RBM27: variants seen among roughly 807,000 people sequenced by gnomAD.
RBM27 encodes RNA-binding protein 27.
In RBM27, 22 loss-of-function variants were observed where a neutral mutation model predicts 135.3. The observed-to-expected ratio is 0.16, with a 90% CI of 0.12 to 0.23. The LOEUF is 0.23. Ranked by LOEUF, RBM27 falls within the 10% of genes least tolerant of loss-of-function variation. The pLI is 1.00. For missense variants in RBM27, 1,009 were observed against 1,281.0 expected, an observed-to-expected ratio of 0.79 and a Z score of 3.24; for synonymous variants, 481 against 442.4, an observed-to-expected ratio of 1.09 and a Z score of -1.10.
In RBM27 at chr5:146,268,140, G is replaced by A. The variant is rs183119893; in HGVS notation, c.2451+372G>A. 1.2e-4 allele frequency among the ~76,000 whole-genome samples: 18 copies of A among 152,066 alleles called. No homozygotes were observed. In the East Asian group the frequency reaches 3.1e-3, roughly 26 times the overall value. On this transcript the variant is annotated intron_variant, in intron 15 of 20. Transcript: ENST00000265271. ...CACATAGGGTTTTCCAAATTAAATA[G>A]ATATTTATATGTACTATCTCAGTAT...
chr5:146,242,269 T>C (rs1429156944), intron 8 of RBM27, among the ~76,000 whole-genome samples: 1 of 152,224 alleles, frequency 6.6e-6, no homozygotes, highest in Non-Finnish European at 1.5e-5. Flanking sequence ...GAAATAGCAC[T>C]ACATATCCCC....
At chr5:146,283,452 A>C (rs545599339) in intron 19 of RBM27, among the ~76,000 whole-genome samples, 23 of 152,180 alleles carry the variant, frequency 1.5e-4, no homozygotes, top group Non-Finnish European at 2.9e-4. Flanking sequence ...TGGGAGGATC[A>C]CTTGGACCCA....
intron 8 of RBM27, among the ~76,000 whole-genome samples, chr5:146,240,080 A>C (rs1421959562): frequency 6.6e-6 from 1 of 152,010 alleles, no homozygotes; most frequent in Non-Finnish European, 1.5e-5. Context: ...CCTGGCCTTT[A>C]ACTCTTTCAA....
intron 7 of RBM27, among the ~76,000 whole-genome samples, chr5:146,236,464 T>C (rs143112644): frequency 7.8e-4 from 119 of 152,314 alleles, no homozygotes; most frequent in African/African-American, 2.8e-3. Flanking sequence ...CCTGCCTTTT[T>C]TCACCTTAGA....
At chr5:146,220,472 CT>C (rs1401728568) in intron 2 of RBM27, among the ~76,000 whole-genome samples, 6 of 19,868 alleles carry the variant, frequency 3.0e-4, no homozygotes, top group Non-Finnish European at 6.1e-4. Context: ...GAGAGTCCAT[CT>C]CAAAAAAAAA....
intron 6 of RBM27, among the ~76,000 whole-genome samples, chr5:146,231,131 C>T (rs1400652228): frequency 6.6e-6 from 1 of 152,122 alleles, no homozygotes; most frequent in Non-Finnish European, 1.5e-5. Flanking sequence ...AAGCGATTCT[C>T]CTTCCTCAGC....
intron 1 of RBM27, among the ~76,000 whole-genome samples, chr5:146,218,553 G>A (rs1205611782): frequency 6.6e-6 from 1 of 152,194 alleles, no homozygotes; most frequent in Non-Finnish European, 1.5e-5. Flanking sequence ...AGGGAGAGGT[G>A]TCTTGAGGAG....
intron 1 of RBM27, among the ~76,000 whole-genome samples, chr5:146,205,511 C>G (rs1454152260): frequency 3.3e-5 from 5 of 152,018 alleles, no homozygotes; most frequent in African/African-American, 9.7e-5. Context: ...AGCTACTTCC[C>G]TGTTGATCTC....
intron 8 of RBM27, among the ~76,000 whole-genome samples, chr5:146,250,756 G>GT (rs1554081437): frequency 1.3e-3 from 105 of 83,022 alleles, no homozygotes; most frequent in East Asian, 2.4e-3. Flanking sequence ...CTGTTTATCT[G>GT]TTTTTTTTTT....
In RBM27 at chr5:146,231,138, C is replaced by T. The variant is rs140616434; in HGVS notation, c.850+221C>T. On this transcript the variant is annotated intron_variant, in intron 6 of 20. Transcript: ENST00000265271. The stretch of plus-strand genomic sequence containing the variant: ...CCGGGTTCAAGCGATTCTCCTTCCT[C>T]AGCCTCCCAAGTAGCCTCCCAGGTA... 3.5e-3 allele frequency among the ~76,000 whole-genome samples: 531 copies of T among 152,252 alleles called. 2 individuals carry two copies. Among genetic ancestry groups the T allele is most frequent in the African/African-American group, 0.012 (517 of 41,550 alleles).
At chr5:146,264,260 C>A (rs370744750) in intron 14 of RBM27, among the ~76,000 whole-genome samples, 2 of 151,652 alleles carry the variant, frequency 1.3e-5, no homozygotes, top group Non-Finnish European at 2.9e-5. Flanking sequence ...CTCGGCTCAC[C>A]GCAACCTCCA....
At chr5:146,206,191 C>T (rs1056873077) in intron 1 of RBM27, among the ~76,000 whole-genome samples, 1 of 151,934 alleles carries the variant, frequency 6.6e-6, no homozygotes, top group African/African-American at 2.4e-5. Context: ...ATTAAACATA[C>T]ATTTTATGTC....
chr5:146,249,827 A>G (rs1757806142), intron 8 of RBM27, among the ~76,000 whole-genome samples: 1 of 151,846 alleles, frequency 6.6e-6, no homozygotes, highest in Non-Finnish European at 1.5e-5. Context: ...TCCAGGGTAC[A>G]TATGTAGGAT....
At position 146,230,705 on chromosome 5, in the gene RBM27, G is replaced by T; in HGVS notation, c.638G>T (p.Ser213Ile). 1 of 1,613,960 alleles carries T rather than the reference G, an allele frequency of 6.2e-7. No individual in the cohort carries two copies. Among genetic ancestry groups the T allele is most frequent in the Non-Finnish European group, 8.5e-7 (1 of 1,179,838 alleles). ...AAGAGTGAAAGGAATGACCTGGAGA[G>T]TTCCTATGTGCCTGTGTCTGCACCA... ...KFKSERNDLESSYVPVSAPPP... is the reference protein window; with the variant it reads ...KFKSERNDLEISYVPVSAPPP... Residue 213 changes from serine (S) to isoleucine (I), a missense_variant, in exon 6 of 21, where the codon AGT becomes ATT. Ser to Ile is a moderately radical substitution (Grantham distance 142, BLOSUM62 -2). Transcript: ENST00000265271.
intron 1 of RBM27, among the ~76,000 whole-genome samples, chr5:146,215,378 G>C (rs558967857): frequency 2.2e-4 from 33 of 152,242 alleles, no homozygotes; most frequent in African/African-American, 7.9e-4. Flanking sequence ...ACCCATTTCA[G>C]TTATCCAATA....
chr5:146,223,461 A>G lies in RBM27; in HGVS notation c.237A>G (p.Pro79=), dbSNP rs759281160. 1 of 1,610,446 alleles carries G rather than the reference A, an allele frequency of 6.2e-7. No homozygotes were observed. The highest frequency in any genetic ancestry group is 1.1e-5 in the South Asian group (1 of 90,536). The change falls in exon 3 of 21, where the codon CCA becomes CCG. Residue 79 remains proline (P), a synonymous_variant. Coordinates refer to ENST00000265271, the MANE Select transcript of RBM27 (RefSeq NM_018989.2). ...GTCTCTATACTAAGAACTACCTTCC[A>G]CTTTTGGAACCAGTAAAGCCTGAGC... ...FESLYTKNYL[P]LLEPVKPEPK...
At position 146,271,557 on chromosome 5, in the gene RBM27, G is replaced by A. The variant is rs773816134; in HGVS notation, c.2871G>A (p.Gly957=). ...CTCAAGGTCGAGGAAGAGGCCGAGG[G>A]CGTGGAGGAAGAGGAAGGGGCTCAC... The part of the protein sequence containing the change: ...MSSQGRGRGR[G]RGGRGRGSLN... Residue 957 remains glycine (G), a synonymous_variant, in exon 19 of 21, where the codon GGG becomes GGA. Transcript: ENST00000265271. 3.6e-5 allele frequency: 58 copies of A among 1,613,582 alleles called. No individual in the cohort carries two copies. The highest frequency in any genetic ancestry group is 4.7e-5 in the Non-Finnish European group (56 of 1,179,666).
chr5:146,260,908 G>T lies in RBM27; in HGVS notation c.1893+10G>T. The T allele has an allele frequency of 1.2e-6, 2 of 1,601,606 alleles. No individual in the cohort carries two copies. Among genetic ancestry groups the T allele is most frequent in the South Asian group, 2.3e-5 (2 of 88,064 alleles). On this transcript the variant is annotated intron_variant, in intron 12 of 20. Coordinates refer to ENST00000265271, the MANE Select transcript of RBM27 (RefSeq NM_018989.2). ...TATTGTTAATATCCAGGTAAATGTGGCTATGTCAGTGACAGAATCCAGGCA... is the reference window on the plus strand; with the variant it reads ...TATTGTTAATATCCAGGTAAATGTGTCTATGTCAGTGACAGAATCCAGGCA...
chr5:146,268,960 G>A (rs1758742576), intron 15 of RBM27, among the ~76,000 whole-genome samples: 1 of 152,110 alleles, frequency 6.6e-6, no homozygotes, highest in African/African-American at 2.4e-5. Flanking sequence ...AGGACATTCA[G>A]GTCATTCAAG....
Sources: gnomAD v4.1 joint callset for allele counts (sites outside exome capture counted in the v4.1 genomes callset) on GRCh38, gnomAD v4.1.1 for gene constraint, MANE v1.5 for transcripts, NCBI Gene and HGNC (gene_info 2026-07-23, HGNC 2026-07-21) for gene names.